The following MPST variants were observed in gnomAD, a reference collection of about 807,000 sequenced individuals.
The protein encoded by MPST is mercaptopyruvate sulfurtransferase, also known as 3-mercaptopyruvate sulfurtransferase.
In MPST, 27 loss-of-function variants were observed where a neutral mutation model predicts 28.5. The ratio of observed to expected loss-of-function variants is 0.95; its 90% confidence interval spans 0.70 to 1.31. MPST has a LOEUF of 1.31. MPST is among the 50% of genes most tolerant of loss of function. MPST has a pLI of 0.00. For missense variants in MPST, 492 were observed against 471.1 expected, an observed-to-expected ratio of 1.04 and a Z score of -0.41; for synonymous variants, 204 against 209.3, an observed-to-expected ratio of 0.97 and a Z score of 0.22.
At position 37,019,777 on chromosome 22, in the gene MPST, T is replaced by G; in HGVS notation, c.-60T>G. The G allele has an allele frequency of 1.3e-6, 1 of 790,470 alleles. No homozygotes were observed. The highest frequency in any genetic ancestry group is 1.7e-6 in the Non-Finnish European group (1 of 585,398). 49.0% of individuals were successfully genotyped at this position (790,470 alleles called of 1,614,324 possible). On this transcript the variant is annotated 5_prime_UTR_variant, in exon 1 of 3. Coordinates refer to ENST00000429360, the MANE Select transcript of MPST (RefSeq NM_021126.8). ...CTCCTCCCTTTGGTCCGCTGCAGGTTGGTGGCGGGAGGAGGGGACAGCTGC... is the reference window on the plus strand; with the variant it reads ...CTCCTCCCTTTGGTCCGCTGCAGGTGGGTGGCGGGAGGAGGGGACAGCTGC...
At position 37,029,457 on chromosome 22, in the gene MPST, G is replaced by A. The variant is rs779690539; in HGVS notation, c.897G>A (p.Trp299Ter). ...TCTACGATGGCTCCTGGGTGGAGTG[G>A]TACATGCGCGCCCGGCCCGAGGATG... is the stretch of plus-strand genomic sequence containing the variant. ...VPIYDGSWVEWYMRARPEDVI... is the reference protein window; with the variant it reads ...VPIYDGSWVE Residue 299 changes from tryptophan to a stop codon, truncating the protein, a stop_gained, in exon 3 of 3, where the codon TGG becomes TGA. Transcript: ENST00000429360. LOFTEE classifies it high-confidence loss of function. 18 of 1,613,132 alleles carry A rather than the reference G, an allele frequency of 1.1e-5. No individual in the cohort carries two copies. Among genetic ancestry groups the A allele is most frequent in the Middle Eastern group, 1.7e-4 (1 of 6,060 alleles).
chr22:37,025,232 T>TGAGCTAGGGAG, intron 2 of MPST: 4 of 1,109,648 alleles, frequency 3.6e-6, no homozygotes, highest in Non-Finnish European at 4.6e-6. Flanking sequence ...TGACTCTCCC[T>TGAGCTAGGGAG]AGCTCATTGG....
chr22:37,026,438 T>TA (rs1923532660), intron 2 of MPST: 1 of 152,152 alleles, frequency 6.6e-6, no homozygotes, highest in Non-Finnish European at 1.5e-5. Context: ...TGGGAGGTGA[T>TA]ACACGCCTAG....
Position 37,024,792 on chromosome 22 carries a change from G to A in MPST, c.637G>A (p.Glu213Lys), listed in dbSNP as rs750004659. Residue 213 changes from glutamate to lysine, a missense_variant, in exon 2 of 3, where the codon GAG becomes AAG. Coordinates refer to ENST00000429360, the MANE Select transcript of MPST (RefSeq NM_021126.8). Reference sequence around the variant, plus strand: ...AGCCACTGGCAGGTTCCGCGGCACCGAGCCCGAGCCCCGAGACGGTAACGC... The same window carrying A: ...AGCCACTGGCAGGTTCCGCGGCACCAAGCCCGAGCCCCGAGACGGTAACGC... ...SRATGRFRGTEPEPRDGIEPG... is the reference protein window; with the variant it reads ...SRATGRFRGTKPEPRDGIEPG... 8 of 1,602,756 alleles carry A rather than the reference G, an allele frequency of 5.0e-6. No individual in the cohort carries two copies. The East Asian group carries it at 6.7e-5, about 13-fold the overall frequency.
At position 37,029,661 on chromosome 22, in the gene MPST, G is replaced by A. The variant is rs1401568177; in HGVS notation, c.*147G>A. ...TGACATCTCAAAGGCCAGGAATTCC[G>A]TTGACTTGTTGGCTGCCAGTAGGGG... On this transcript the variant is annotated 3_prime_UTR_variant, in exon 3 of 3. Coordinates refer to ENST00000429360, the MANE Select transcript of MPST (RefSeq NM_021126.8). The A allele has an allele frequency of 1.8e-5, 15 of 845,266 alleles. No individual in the cohort carries two copies. Among genetic ancestry groups the A allele is most frequent in the Admixed American group, 1.4e-4 (5 of 35,312 alleles). 52.4% of individuals were successfully genotyped at this position (845,266 alleles called of 1,614,324 possible). A position where few individuals can be genotyped will look rare whatever the true frequency, so the allele number is the denominator to read the frequency against.
At position 37,024,713 on chromosome 22, in the gene MPST, C is replaced by T. The variant is rs140393287; in HGVS notation, c.558C>T (p.Tyr186=). ...AQLDPAFIKT[Y]EDIKENLESR... Reference sequence around the variant, plus strand: ...TCGACCCCGCCTTCATCAAGACCTACGAGGACATCAAGGAGAACCTGGAAT... The same window carrying T: ...TCGACCCCGCCTTCATCAAGACCTATGAGGACATCAAGGAGAACCTGGAAT... The change falls in exon 2 of 3, where the codon TAC becomes TAT. Residue 186 remains tyrosine, a synonymous_variant. Coordinates refer to ENST00000429360, the MANE Select transcript of MPST (RefSeq NM_021126.8). 26 of 1,600,186 alleles carry T rather than the reference C, an allele frequency of 1.6e-5. No individual in the cohort carries two copies. In the African/African-American group the frequency reaches 1.9e-4, roughly 11 times the overall value.
At chr22:37,029,025 G>A (rs766431457) in intron 2 of MPST, 191 bp from the exon 3 acceptor site, 31 of 601,620 alleles carry the variant, frequency 5.2e-5, no homozygotes, top group South Asian at 1.9e-4. Flanking sequence ...CAGCATCACC[G>A]TGTATAAAAT....
Position 37,029,690 on chromosome 22 carries a change from G to A in MPST, c.*176G>A, listed in dbSNP as rs939267451. On this transcript the variant is annotated 3_prime_UTR_variant, in exon 3 of 3. Transcript: ENST00000429360. ...ACTTGTTGGCTGCCAGTAGGGGCGGGAGGAAAGGCGGAGGCGAGCCCTGGA... is the reference window on the plus strand; with the variant it reads ...ACTTGTTGGCTGCCAGTAGGGGCGGAAGGAAAGGCGGAGGCGAGCCCTGGA... 8 of 693,218 alleles carry A rather than the reference G, an allele frequency of 1.2e-5. 1 individual carries two copies. Among genetic ancestry groups the A allele is most frequent in the Middle Eastern group, 4.1e-4 (1 of 2,468 alleles). The allele number at this position is 693,218 out of a possible 1,614,324, so 42.9% of individuals were successfully genotyped here. A position where few individuals can be genotyped will look rare whatever the true frequency, so the allele number is the denominator to read the frequency against.
In MPST at chr22:37,019,746, C is replaced by T. The variant is rs900831289; in HGVS notation, c.-91C>T. ...GAGTGGCCGCGGCGGTGGGCTGTGC[C>T]GGAGTCTCCTCCCTTTGGTCCGCTG... On this transcript the variant is annotated 5_prime_UTR_variant, in exon 1 of 3. Coordinates refer to ENST00000429360, the MANE Select transcript of MPST (RefSeq NM_021126.8). 11 of 531,094 alleles carry T rather than the reference C, an allele frequency of 2.1e-5. No individual in the cohort carries two copies. Among genetic ancestry groups the T allele is most frequent in the African/African-American group, 4.8e-5 (2 of 41,284 alleles). The allele number at this position is 531,094 out of a possible 1,614,324, so 32.9% of individuals were successfully genotyped here. A position where few individuals can be genotyped will look rare whatever the true frequency, so the allele number is the denominator to read the frequency against.
intron 1 of MPST, among the ~76,000 whole-genome samples, chr22:37,021,232 G>A (rs902684963): frequency 6.6e-5 from 10 of 152,052 alleles, no homozygotes; most frequent in African/African-American, 1.9e-4. Flanking sequence ...CAGTGATCCC[G>A]GCTTCTGAAT....
chr22:37,024,310 T>C lies in MPST; in HGVS notation c.155T>C (p.Leu52Pro), dbSNP rs1318001091. The C allele has an allele frequency of 6.5e-7, 1 of 1,532,012 alleles. No homozygotes were observed. Among genetic ancestry groups the C allele is most frequent in the South Asian group, 1.2e-5 (1 of 83,110 alleles). The allele number at this position is 1,532,012 out of a possible 1,614,324, so 94.9% of individuals were successfully genotyped here. ...CGCGCTGGGCAGCCTCTGCAGCTGC[T>C]GGACGCCTCCTGGTACCTGCCGAAG... ...APRAGQPLQL[L>P]DASWYLPKLG... Residue 52 changes from leucine (L) to proline (P), a missense_variant, in exon 2 of 3, where the codon CTG becomes CCG. Transcript: ENST00000429360.
In MPST at chr22:37,029,514, A is replaced by C; in HGVS notation, c.954A>C (p.Ter318CysextTer92). The C allele has an allele frequency of 6.2e-7, 1 of 1,600,096 alleles. No individual in the cohort carries two copies. The highest frequency in any genetic ancestry group is 2.3e-5 in the East Asian group (1 of 44,432). The change falls in exon 3 of 3, where the codon TGA becomes TGC. Residue 318 changes from the stop codon to cysteine (C), a stop_lost. Coordinates refer to ENST00000429360, the MANE Select transcript of MPST (RefSeq NM_021126.8). ...VISEGRGKTH[*>C] ...CAGAGGGCCGGGGGAAGACCCACTGAAGCTGGGCAGGACACAGGCGAGCTC... is the reference window on the plus strand; with the variant it reads ...CAGAGGGCCGGGGGAAGACCCACTGCAGCTGGGCAGGACACAGGCGAGCTC...
chr22:37,021,466 A>ATATTAT (rs112800478), intron 1 of MPST, among the ~76,000 whole-genome samples: 8 of 151,682 alleles, frequency 5.3e-5, no homozygotes, highest in South Asian at 2.1e-4. Flanking sequence ...AAATAATGCA[A>ATATTAT]TATTATTATT....
At chr22:37,025,512 G>A in intron 2 of MPST, 1 of 194,120 alleles carries the variant, frequency 5.2e-6, no homozygotes, top group African/African-American at 2.3e-5. Context: ...CTGTGGGCTG[G>A]ATTTCCTCAG....
rs1400137657 is a variant in MPST, at chr22:37,024,648, G to A, written c.493G>A (p.Gly165Ser). The A allele has an allele frequency of 4.4e-6, 7 of 1,593,228 alleles. No individual in the cohort carries two copies. The South Asian group carries it at 4.4e-5, about 10-fold the overall frequency. Residue 165 changes from glycine (G) to serine (S), a missense_variant, in exon 2 of 3, where the codon GGC (glycine) becomes AGC (serine). Transcript: ENST00000429360. ...GCGCCAGAACCTCCCGCTCAGCTCC[G>A]GCAAGAGCCAACCTGCTCCCGCCGA... ...WLRQNLPLSS[G>S]KSQPAPAEFR...
intron 1 of MPST, chr22:37,020,090 A>C (rs113581792): frequency 0.022 from 8,524 of 389,104 alleles, 140 homozygotes; most frequent in Non-Finnish European, 0.028. Context: ...CCTTGGGTGG[A>C]AGTGGGTGAC....
intron 2 of MPST, chr22:37,025,273 C>A: frequency 1.3e-6 from 1 of 741,612 alleles, no homozygotes; most frequent in Non-Finnish European, 1.9e-6. Context: ...GCTCTCAATC[C>A]AACACTAGAG....
chr22:37,025,076 A>G (rs1301962388), intron 2 of MPST: 2 of 1,508,396 alleles, frequency 1.3e-6, no homozygotes, highest in African/African-American at 1.4e-5. Context: ...TCCTGGGCTC[A>G]GGTGACCCTC....
Position 37,024,382 on chromosome 22 carries a change from G to T in MPST, c.227G>T (p.Gly76Val), listed in dbSNP as rs201058049. The change falls in exon 2 of 3, where the codon GGC becomes GTC. Residue 76 changes from glycine (G) to valine (V), a missense_variant. Physicochemically the swap from Gly to Val is moderately radical, Grantham distance 109 (BLOSUM62 -3). Coordinates refer to ENST00000429360, the MANE Select transcript of MPST (RefSeq NM_021126.8). ...GAGTTCGAGGAGCGCCACATCCCGG[G>T]CGCCGCTTTCTTCGACATCGACCAG... ...RREFEERHIP[G>V]AAFFDIDQCS... 4.2e-3 allele frequency: 6,472 copies of T among 1,544,770 alleles called. 29 individuals carry two copies. The highest frequency in any genetic ancestry group is 5.3e-3 in the Non-Finnish European group (6,103 of 1,145,470).
Sources: gnomAD v4.1 joint callset for allele counts (sites outside exome capture counted in the v4.1 genomes callset) on GRCh38, gnomAD v4.1.1 for gene constraint, MANE v1.5 for transcripts, NCBI Gene and HGNC (gene_info 2026-07-23, HGNC 2026-07-21) for gene names.